Variants in CFI observed in about 807,000 individuals in gnomAD.
The protein encoded by CFI is complement factor I, also known as C3B/C4B inactivator.
CFI carries 66 observed loss-of-function variants against 78.8 expected under a neutral mutation model. That is an observed-to-expected ratio of 0.84 (90% CI 0.69 to 1.03). CFI has a LOEUF of 1.03. Among genes scored for constraint, CFI ranks in the 50% least tolerant of loss-of-function variants. The pLI is 0.00. For missense variants in CFI, 706 were observed against 704.5 expected, an observed-to-expected ratio of 1.00 and a Z score of -0.02; for synonymous variants, 250 against 232.6, an observed-to-expected ratio of 1.07 and a Z score of -0.68.
At chr4:109,775,240 C>T (rs1411891443) in intron 1 of CFI, among the ~76,000 whole-genome samples, 1 of 152,164 alleles carries the variant, frequency 6.6e-6, no homozygotes, top group Admixed American at 6.5e-5. Flanking sequence ...AGGGAATTCC[C>T]TTTTCCAGCA....
intron 1 of CFI, among the ~76,000 whole-genome samples, chr4:109,798,520 T>TAAA (rs80282320): frequency 1.3e-5 from 2 of 150,940 alleles, no homozygotes; most frequent in South Asian, 2.1e-4. Context: ...TTTTTTTTTT[T>TAAA]AAAAAGACCA....
intron 7 of CFI, among the ~76,000 whole-genome samples, chr4:109,757,346 A>G (rs1726451213): frequency 1.3e-5 from 2 of 152,080 alleles, no homozygotes; most frequent in African/African-American, 4.8e-5. Flanking sequence ...TTACATGAAT[A>G]TTTTTAAAAA....
intron 2 of CFI, among the ~76,000 whole-genome samples, chr4:109,766,269 G>A (rs914604392): frequency 6.6e-6 from 1 of 152,122 alleles, no homozygotes; most frequent in Non-Finnish European, 1.5e-5. Flanking sequence ...CTTTAACCAA[G>A]TAGAAGTGAG....
intron 1 of CFI, among the ~76,000 whole-genome samples, chr4:109,799,154 G>T (rs1178589535): frequency 1.3e-5 from 2 of 152,104 alleles, no homozygotes; most frequent in African/African-American, 2.4e-5. Flanking sequence ...AGGCACTTTT[G>T]AATGCCCTAA....
At chr4:109,773,811 C>T (rs11098046) in intron 1 of CFI, among the ~76,000 whole-genome samples, 53,374 of 152,036 alleles carry the variant, frequency 0.35, 9,733 homozygotes, top group East Asian at 0.44. Context: ...CCACCTGAGG[C>T]GCATCATCCT....
At chr4:109,751,023 G>C (rs1725067947) in intron 8 of CFI, among the ~76,000 whole-genome samples, 1 of 152,182 alleles carries the variant, frequency 6.6e-6, no homozygotes, top group South Asian at 2.1e-4. Flanking sequence ...TGAGTCGGGA[G>C]AGAACTAGCA....
chr4:109,736,721 A>AAAACCC (rs1723391494), downstream of CFI, among the ~76,000 whole-genome samples: 1 of 152,204 alleles, frequency 6.6e-6, no homozygotes, highest in Admixed American at 6.5e-5. Context: ...GCAGGGTTTT[A>AAAACCC]AGCCATCAGG....
chr4:109,751,727 C>G (rs973783228), intron 8 of CFI, among the ~76,000 whole-genome samples: 3 of 152,180 alleles, frequency 2.0e-5, no homozygotes, highest in African/African-American at 7.2e-5. Flanking sequence ...AGGCCTGAGC[C>G]ACTGTGCCCA....
intron 1 of CFI, among the ~76,000 whole-genome samples, chr4:109,786,908 A>G (rs1730817085): frequency 6.6e-6 from 1 of 152,088 alleles, no homozygotes; most frequent in Non-Finnish European, 1.5e-5. Flanking sequence ...TCTTTACTGT[A>G]TGCTTTACCG....
intron 1 of CFI, among the ~76,000 whole-genome samples, chr4:109,771,256 A>T (rs1012261155): frequency 4.0e-5 from 6 of 151,684 alleles, no homozygotes; most frequent in East Asian, 1.9e-4. Context: ...AAAAATAAAT[A>T]AAAAAAATTA....
In CFI at chr4:109,762,298, G is replaced by A. The variant is rs7356506; in HGVS notation, c.483-606C>T. 0.64 allele frequency: 97,238 copies of A among 152,238 alleles called. 32,368 individuals carry two copies. Among genetic ancestry groups the A allele is most frequent in the South Asian group, 0.76 (3,650 of 4,814 alleles). The allele number at this position is 152,238 out of a possible 1,614,324, so 9.4% of individuals were successfully genotyped here. On this transcript the variant is annotated intron_variant, in intron 3 of 12. Transcript: ENST00000394634. ...TTCAATTATTGCCTAAGACTTGGAA[G>A]GTTAGGTTAGTTTAATTCCTGTAGG...
chr4:109,749,749 A>G (rs1724917181), intron 8 of CFI, 147 bp from the exon 9 acceptor site: 1 of 633,456 alleles, frequency 1.6e-6, no homozygotes, highest in Non-Finnish European at 2.8e-6. Flanking sequence ...TTTGAATGCT[A>G]AACCATACTA....
At chr4:109,757,685 T>C in intron 7 of CFI, 78 bp downstream of exon 7, 1 of 942,592 alleles carries the variant, frequency 1.1e-6, no homozygotes, top group Non-Finnish European at 1.6e-6. Context: ...CATTAACAGT[T>C]ACATTAAAAT....
intron 6 of CFI, among the ~76,000 whole-genome samples, chr4:109,758,207 C>T (rs911162673): frequency 2.0e-5 from 3 of 151,440 alleles, no homozygotes; most frequent in Non-Finnish European, 4.4e-5. Context: ...CCTGTAATCC[C>T]AGCAACACGC....
intron 10 of CFI, 50 bp from the exon 11 acceptor site, chr4:109,746,552 T>C (rs1017967613): frequency 7.1e-7 from 1 of 1,410,536 alleles, no homozygotes; most frequent in East Asian, 2.5e-5. Flanking sequence ...AAAATATAAA[T>C]AGGAATTCTG....
In CFI at chr4:109,740,743, T is replaced by C. The variant is rs1723682399; in HGVS notation, c.*150A>G. On this transcript the variant is annotated 3_prime_UTR_variant, in exon 13 of 13. Coordinates refer to ENST00000394634, the MANE Select transcript of CFI (RefSeq NM_000204.5). ...TGAGAATTATACAACAAAATTCCAA[T>C]ATGGCATAAACTCTGTGGAGACCTT... 2.6e-6 allele frequency: 2 copies of C among 761,770 alleles called. No homozygotes were observed. Among genetic ancestry groups the C allele is most frequent in the South Asian group, 3.1e-5 (2 of 65,534 alleles). The allele number at this position is 761,770 out of a possible 1,614,324, so 47.2% of individuals were successfully genotyped here.
chr4:109,763,000 A>G (rs1192284482), intron 3 of CFI, among the ~76,000 whole-genome samples: 1 of 152,186 alleles, frequency 6.6e-6, no homozygotes, highest in Non-Finnish European at 1.5e-5. Context: ...CCTATGGCTT[A>G]ATTTAACAAT....
intron 1 of CFI, among the ~76,000 whole-genome samples, chr4:109,788,366 C>T (rs1331831254): frequency 6.6e-6 from 1 of 152,086 alleles, no homozygotes; most frequent in East Asian, 1.9e-4. Flanking sequence ...TATCTAGTTT[C>T]CATACTCTTG....
chr4:109,761,846 C>A (rs1727110365), intron 3 of CFI, 154 bp from the exon 4 acceptor site: 1 of 654,862 alleles, frequency 1.5e-6, no homozygotes, highest in African/African-American at 1.8e-5. Flanking sequence ...AGCCTCAGTA[C>A]CTTCATCTAT....
Sources: allele counts gnomAD v4.1 joint callset (sites outside exome capture counted in the v4.1 genomes callset), GRCh38; gene constraint gnomAD v4.1.1; transcripts MANE v1.5; gene names NCBI Gene and HGNC (gene_info 2026-07-23, HGNC 2026-07-21).